CCDC30: variants seen among roughly 807,000 people sequenced by gnomAD.
CCDC30 encodes coiled-coil domain-containing protein 30.
A neutral mutation model predicts 100.2 loss-of-function variants in CCDC30; 70 were observed. That is an observed-to-expected ratio of 0.70 (90% CI 0.58 to 0.85). CCDC30 has a LOEUF of 0.85. Among genes scored for constraint, CCDC30 ranks in the 40% least tolerant of loss-of-function variants. CCDC30 has a pLI of 0.00. For missense variants in CCDC30, 652 were observed against 771.2 expected, an observed-to-expected ratio of 0.85 and a Z score of 1.83; for synonymous variants, 233 against 269.5, an observed-to-expected ratio of 0.86 and a Z score of 1.33.
chr1:42,490,305 C>CT (rs1644117383), intron 4 of CCDC30, 76 bp downstream of exon 4: 2 of 590,684 alleles, frequency 3.4e-6, no homozygotes, highest in African/African-American at 1.9e-5. Flanking sequence ...GTCCCAAAGA[C>CT]TTGGGAGGCT....
chr1:42,647,959 A>C (rs563220715), intron 15 of CCDC30, among the ~76,000 whole-genome samples: 5 of 152,306 alleles, frequency 3.3e-5, no homozygotes, highest in Admixed American at 2.6e-4. Flanking sequence ...GTTTGTTTTT[A>C]GATGGAATTT....
In CCDC30 at chr1:42,600,168, C is replaced by G. The variant is rs114503104; in HGVS notation, c.1164+10685C>G. ...TGAGATTTGGGTGGGGACAGAGAGT[C>G]AAATCATATCAGGAACTTATCCAGG... On this transcript the variant is annotated intron_variant, in intron 10 of 16. Transcript: ENST00000668663. Among the ~76,000 whole-genome samples, 579 of 152,118 alleles carry G rather than the reference C, an allele frequency of 3.8e-3. 8 individuals carry two copies. The highest frequency in any genetic ancestry group is 0.013 in the African/African-American group (537 of 41,494).
chr1:42,501,351 T>G (rs1374362244), intron 6 of CCDC30, among the ~76,000 whole-genome samples: 1 of 152,246 alleles, frequency 6.6e-6, no homozygotes, highest in Admixed American at 6.5e-5. Context: ...CTGGTCTCTG[T>G]ATTCCATTCT....
At position 42,644,623 on chromosome 1, in the gene CCDC30, G is replaced by T. The variant is rs544093255; in HGVS notation, c.1557-70G>T. ...AAGATCCGGGGCCAGTGGGAAGTGG[G>T]ATGTAGTTTTGGGTTTTTAGTAATG... is the stretch of plus-strand genomic sequence containing the variant. On this transcript the variant is annotated intron_variant, in intron 13 of 16. Coordinates refer to ENST00000668663, the Ensembl canonical transcript of CCDC30. 1.5e-4 allele frequency: 128 copies of T among 879,670 alleles called. 1 individual carries two copies. The South Asian group carries it at 1.6e-3, about 11-fold the overall frequency. The allele number at this position is 879,670 out of a possible 1,614,324, so 54.5% of individuals were successfully genotyped here. A position where few individuals can be genotyped will look rare whatever the true frequency, so the allele number is the denominator to read the frequency against.
intron 6 of CCDC30, among the ~76,000 whole-genome samples, chr1:42,524,847 C>T (rs1241263643): frequency 1.3e-5 from 2 of 152,216 alleles, no homozygotes; most frequent in African/African-American, 4.8e-5. Context: ...CAGATGCCAC[C>T]AGCAGGATTA....
chr1:42,604,232 A>G (rs1228855937), intron 10 of CCDC30, among the ~76,000 whole-genome samples: 2 of 152,224 alleles, frequency 1.3e-5, no homozygotes, highest in Non-Finnish European at 2.9e-5. Context: ...AAAAATAATA[A>G]TGCCAGCAAA....
the CCDC30 span, chr1:42,457,444 T>G: frequency 9.3e-7 from 1 of 1,071,850 alleles, no homozygotes; most frequent in Non-Finnish European, 1.4e-6. Context: ...TGCATCTGTA[T>G]TCGCTAGGCA....
chr1:42,635,457 G>A (rs1647133528), intron 11 of CCDC30, among the ~76,000 whole-genome samples: 3 of 152,138 alleles, frequency 2.0e-5, no homozygotes, highest in Admixed American at 2.0e-4. Flanking sequence ...AAGTTTTTGT[G>A]TGGACATATG....
chr1:42,486,408 C>A (rs1303251738), intron 3 of CCDC30, among the ~76,000 whole-genome samples: 2 of 152,208 alleles, frequency 1.3e-5, no homozygotes, highest in South Asian at 2.1e-4. Context: ...CCAATAGTGG[C>A]TCACTGTGCC....
At chr1:42,500,613 C>T (rs2148478734) in intron 6 of CCDC30, among the ~76,000 whole-genome samples, 1 of 152,250 alleles carries the variant, frequency 6.6e-6, no homozygotes, top group Admixed American at 6.5e-5. Context: ...CAGGGTTTCA[C>T]CGTGTTAGCC....
intron 7 of CCDC30, among the ~76,000 whole-genome samples, chr1:42,574,053 G>A (rs1426161121): frequency 6.6e-6 from 1 of 152,098 alleles, no homozygotes; most frequent in Non-Finnish European, 1.5e-5. Flanking sequence ...GCTCAAAAGT[G>A]AGACTAGTCT....
intron 6 of CCDC30, among the ~76,000 whole-genome samples, chr1:42,561,124 G>A (rs1211861434): frequency 6.6e-6 from 1 of 152,164 alleles, no homozygotes; most frequent in Admixed American, 6.5e-5. Flanking sequence ...GCATCATTCT[G>A]ATACCAAAAC....
At chr1:42,655,649 A>G (rs6676828), downstream of CCDC30, among the ~76,000 whole-genome samples, 10,063 of 152,204 alleles carry the variant, frequency 0.066, 572 homozygotes, top group African/African-American at 0.15. Flanking sequence ...AAACCCCATT[A>G]CACAGAAACT....
At chr1:42,525,736 C>T (rs533059828) in intron 6 of CCDC30, among the ~76,000 whole-genome samples, 2 of 152,176 alleles carry the variant, frequency 1.3e-5, no homozygotes, top group South Asian at 4.1e-4. Flanking sequence ...TTAATTCTTT[C>T]TGGATTGTTT....
At chr1:42,457,117 T>G in the CCDC30 span, 1 of 1,575,952 alleles carries the variant, frequency 6.3e-7, no homozygotes, top group Non-Finnish European at 8.6e-7. Flanking sequence ...AGCACAGCCT[T>G]TCTTTCCAGC....
chr1:42,558,770 A>T (rs1354650620), intron 6 of CCDC30, among the ~76,000 whole-genome samples: 1 of 152,216 alleles, frequency 6.6e-6, no homozygotes, highest in Admixed American at 6.5e-5. Context: ...AGACAGGCCA[A>T]CGTGCAAATT....
chr1:42,537,410 A>G lies in CCDC30; in HGVS notation c.457-28886A>G, dbSNP rs552219967. The stretch of plus-strand genomic sequence containing the variant: ...ACAGGAATTTTCAGTGAAATAAGAT[A>G]GGAAATCAATTATCATTTACCCTCT... On this transcript the variant is annotated intron_variant, in intron 6 of 16. Coordinates refer to ENST00000668663, the Ensembl canonical transcript of CCDC30. 241 of 367,830 alleles carry G rather than the reference A, an allele frequency of 6.6e-4. 3 individuals are homozygous for G. In the Middle Eastern group the frequency reaches 9.4e-3, roughly 14 times the overall value. The allele number at this position is 367,830 out of a possible 1,614,324, so 22.8% of individuals were successfully genotyped here. A position where few individuals can be genotyped will look rare whatever the true frequency, so the allele number is the denominator to read the frequency against.
intron 11 of CCDC30, among the ~76,000 whole-genome samples, chr1:42,624,519 A>G (rs1460782783): frequency 6.6e-6 from 1 of 152,174 alleles, no homozygotes; most frequent in African/African-American, 2.4e-5. Flanking sequence ...TCACCCTGTC[A>G]CCCAGACTGG....
intron 12 of CCDC30, among the ~76,000 whole-genome samples, chr1:42,642,240 CAA>C (rs377007248): frequency 6.9e-6 from 1 of 145,806 alleles, no homozygotes; most frequent in African/African-American, 2.6e-5. Flanking sequence ...AACAAACAAA[CAA>C]AAAAATATAT....
Sources: allele counts gnomAD v4.1 joint callset (sites outside exome capture counted in the v4.1 genomes callset), GRCh38; gene constraint gnomAD v4.1.1; transcripts MANE v1.5; gene names NCBI Gene and HGNC (gene_info 2026-07-23, HGNC 2026-07-21).